Variants in UNC13A observed in about 807,000 individuals in gnomAD.
The protein encoded by UNC13A is protein unc-13 homolog A.
In UNC13A, 61 loss-of-function variants were observed where a neutral mutation model predicts 219.7. That is an observed-to-expected ratio of 0.28 (90% CI 0.23 to 0.34). UNC13A has a LOEUF of 0.34. UNC13A is among the 10% of genes least tolerant of loss of function. The pLI, the probability that UNC13A is intolerant of heterozygous loss-of-function variation, is 1.00. For missense variants in UNC13A, 1,476 were observed against 2,270.3 expected (o/e 0.65, Z 7.11); for synonymous variants, 920 against 884.6 (o/e 1.04, Z -0.71).
rs2076519034 is a variant in UNC13A, at chr19:17,605,871, G to A, written c.*183C>T. ...TTGGGCGTGGCCTCCCGAGAGGGCG[G>A]GGCATCCTCCATTCCTAATTCCCCA... On this transcript the variant is annotated 3_prime_UTR_variant, in exon 44 of 44. Coordinates refer to ENST00000519716, the MANE Select transcript of UNC13A (RefSeq NM_001080421.3). 3.4e-6 allele frequency: 2 copies of A among 587,948 alleles called. No individual in the cohort carries two copies. The highest frequency in any genetic ancestry group is 2.6e-6 in the Non-Finnish European group (1 of 380,254). The allele number at this position is 587,948 out of a possible 1,614,324, so 36.4% of individuals were successfully genotyped here.
At position 17,601,419 on chromosome 19, in the gene UNC13A, C is replaced by T. The variant is rs983130851; in HGVS notation, c.*4635G>A. The T allele has an allele frequency of 3.9e-5, 6 of 152,524 alleles. No individual in the cohort carries two copies. Among genetic ancestry groups the T allele is most frequent in the Admixed American group, 3.9e-4 (6 of 15,270 alleles). The allele number at this position is 152,524 out of a possible 1,614,324, so 9.4% of individuals were successfully genotyped here. ...AAAAAGTCAGAATAGTGCAAAACAT[C>T]TCAACACCATGCATTCATGACCACT... On this transcript the variant is annotated 3_prime_UTR_variant, in exon 44 of 44. Coordinates refer to ENST00000519716, the MANE Select transcript of UNC13A (RefSeq NM_001080421.3).
In UNC13A at chr19:17,645,721, A is replaced by G; in HGVS notation, c.2309T>C (p.Ile770Thr). Reference sequence around the variant, plus strand: ...CTCGCCGCTGAGCGTCCGCACCTCAATGATCGTCTGCCCCAGGAAATCGTC... The same window carrying G: ...CTCGCCGCTGAGCGTCCGCACCTCAGTGATCGTCTGCCCCAGGAAATCGTC... ...ESDDFLGQTI[I>T]EVRTLSGEMD... The change falls in exon 19 of 44, where the codon ATT becomes ACT. Residue 770 changes from isoleucine (I) to threonine (T), a missense_variant. By Grantham distance (89) the Ile-to-Thr change is moderately conservative. Around this residue, in one of 14 missense-constraint regions of UNC13A, gnomAD observed 66 missense variants for 224.3 expected, o/e 0.29. Transcript: ENST00000519716. 5 of 1,614,208 alleles carry G rather than the reference A, an allele frequency of 3.1e-6. No homozygotes were observed. The highest frequency in any genetic ancestry group is 4.2e-6 in the Non-Finnish European group (5 of 1,180,030).
chr19:17,647,454 G>T lies in UNC13A; in HGVS notation c.1855C>A (p.Arg619=). Residue 619 remains arginine (R), a synonymous_variant, in exon 17 of 44, where the codon CGG becomes AGG. Transcript: ENST00000519716. ...EKSSKHGAED[R]TQNIIMVLKD... ...AGCACCATGATGATGTTCTGTGTCC[G>T]GTCCTCCGCCCCGTGCTTGGAGCTC... 1 of 1,613,398 alleles carries T rather than the reference G, an allele frequency of 6.2e-7. No individual in the cohort carries two copies. Among genetic ancestry groups the T allele is most frequent in the East Asian group, 2.2e-5 (1 of 44,868 alleles).
intron 8 of UNC13A, among the ~76,000 whole-genome samples, chr19:17,662,484 T>A (rs1158367774): frequency 6.6e-6 from 1 of 151,938 alleles, no homozygotes; most frequent in Non-Finnish European, 1.5e-5. Flanking sequence ...ATAATAATAA[T>A]AAAAATAAAG....
In UNC13A at chr19:17,606,054, C is replaced by T. The variant is rs768424710; in HGVS notation, c.5112G>A (p.Ter1704=). The change falls in exon 44 of 44, where the codon TAG becomes TAA. Residue 1704 remains the stop codon, a stop_retained_variant. Coordinates refer to ENST00000519716, the MANE Select transcript of UNC13A (RefSeq NM_001080421.3). ...AEEGGAAPAP[*] ...AGTGCCGCTCGGCCGACCGCCCGCGCTAAGGCGCAGGCGCGGCACCGCCCT... is the reference window on the plus strand; with the variant it reads ...AGTGCCGCTCGGCCGACCGCCCGCGTTAAGGCGCAGGCGCGGCACCGCCCT... 32 of 1,544,212 alleles carry T rather than the reference C, an allele frequency of 2.1e-5. No individual in the cohort carries two copies. The highest frequency in any genetic ancestry group is 3.8e-4 in the Middle Eastern group (2 of 5,234).
chr19:17,657,479 A>G (rs1018847835), intron 9 of UNC13A, among the ~76,000 whole-genome samples: 6 of 152,146 alleles, frequency 3.9e-5, no homozygotes, highest in African/African-American at 1.2e-4. Context: ...GTCAACAGCA[A>G]TATCTGTCTC....
chr19:17,618,547 C>G, intron 39 of UNC13A, 46 bp from the exon 40 acceptor site: 1 of 1,545,528 alleles, frequency 6.5e-7, no homozygotes, highest in Non-Finnish European at 8.8e-7. Flanking sequence ...TGGGCTCCAC[C>G]TTTGGAATCT....
intron 7 of UNC13A, 64 bp from the exon 8 acceptor site, chr19:17,663,631 G>T (rs369986741): frequency 2.0e-6 from 3 of 1,530,448 alleles, no homozygotes; most frequent in African/African-American, 2.7e-5. Flanking sequence ...TAGGAAGGGG[G>T]CTCCCCTGCT....
Position 17,647,343 on chromosome 19 carries a change from G to A in UNC13A, c.1966C>T (p.His656Tyr). Reference protein sequence around the residue: ...QEIFAVTKTAHTQQMKAVKQS... With the variant: ...QEIFAVTKTAYTQQMKAVKQS... ...TTGACCGCCTTCATCTGCTGCGTGT[G>A]CGCCGTCTTGGTCACCGCGAAGATC... Residue 656 changes from histidine (H) to tyrosine (Y), a missense_variant, in exon 17 of 44, where the codon CAC becomes TAC. By Grantham distance (83) the His-to-Tyr change is moderately conservative. Coordinates refer to ENST00000519716, the MANE Select transcript of UNC13A (RefSeq NM_001080421.3). 1.2e-6 allele frequency: 2 copies of A among 1,612,988 alleles called. 1 individual carries two copies. The highest frequency in any genetic ancestry group is 2.2e-5 in the South Asian group (2 of 90,956).
chr19:17,662,770 A>G (rs1422823397), intron 8 of UNC13A, among the ~76,000 whole-genome samples: 1 of 152,032 alleles, frequency 6.6e-6, no homozygotes, highest in Non-Finnish European at 1.5e-5. Flanking sequence ...AATACAAAAA[A>G]TTAGCCGGGC....
At chr19:17,678,387 G>A (rs1568274698) in intron 1 of UNC13A, among the ~76,000 whole-genome samples, 2 of 152,146 alleles carry the variant, frequency 1.3e-5, no homozygotes, top group African/African-American at 4.8e-5. Context: ...GCTGAGGCAG[G>A]AGAATCCCTT....
At chr19:17,625,985 C>T (rs1220983152) in intron 34 of UNC13A, among the ~76,000 whole-genome samples, 2 of 151,718 alleles carry the variant, frequency 1.3e-5, no homozygotes, top group African/African-American at 4.8e-5. Context: ...ATCAATCCAT[C>T]TATACATCAA....
At chr19:17,617,363 T>C (rs759888254) in intron 41 of UNC13A, among the ~76,000 whole-genome samples, 1 of 152,124 alleles carries the variant, frequency 6.6e-6, no homozygotes, top group Non-Finnish European at 1.5e-5. Flanking sequence ...ACAATCACCT[T>C]GTGGCCCTAC....
chr19:17,642,827 C>T lies in UNC13A; in HGVS notation c.2472+18G>A. 1 of 1,587,914 alleles carries T rather than the reference C, an allele frequency of 6.3e-7. No homozygotes were observed. Among genetic ancestry groups the T allele is most frequent in the Non-Finnish European group, 8.6e-7 (1 of 1,165,162 alleles). ...GTGAGTGGAAGTGGCATGGGAGGGG[C>T]CGAGCAATGACCCTCACCTCATGCA... is the stretch of plus-strand genomic sequence containing the variant. On this transcript the variant is annotated intron_variant, in intron 20 of 43. Coordinates refer to ENST00000519716, the MANE Select transcript of UNC13A (RefSeq NM_001080421.3).
chr19:17,645,937 C>T (rs774889680), intron 18 of UNC13A, 33 bp downstream of exon 18: 3 of 1,606,788 alleles, frequency 1.9e-6, no homozygotes, highest in African/African-American at 2.7e-5. Context: ...CAGGATGCCC[C>T]ACATGGGGCC....
intron 4 of UNC13A, among the ~76,000 whole-genome samples, chr19:17,670,922 A>ATAAAATAAAATAAAATAAAAT (rs1568270572): frequency 4.5e-5 from 4 of 89,042 alleles, no homozygotes; most frequent in African/African-American, 1.6e-4. Flanking sequence ...ATAAAATAAA[A>ATAAAATAAAATAAAATAAAAT]TAAAATAAAA....
intron 5 of UNC13A, among the ~76,000 whole-genome samples, chr19:17,668,814 G>A (rs1479384960): frequency 5.3e-5 from 8 of 151,806 alleles, no homozygotes; most frequent in African/African-American, 1.9e-4. Context: ...TATTTTTTTA[G>A]AGACAGGGTC....
intron 1 of UNC13A, among the ~76,000 whole-genome samples, chr19:17,681,895 C>T (rs117818454): frequency 0.014 from 2,157 of 152,156 alleles, 20 homozygotes; most frequent in Non-Finnish European, 0.022. Flanking sequence ...ATGTCCTGCA[C>T]TCAGAACCGC....
intron 37 of UNC13A, among the ~76,000 whole-genome samples, chr19:17,621,487 A>C (rs2076729178): frequency 1.3e-5 from 2 of 152,136 alleles, no homozygotes; most frequent in African/African-American, 4.8e-5. Flanking sequence ...GTAAAAAACA[A>C]CACGTCTCAG....
Sources: allele counts gnomAD v4.1 joint callset (sites outside exome capture counted in the v4.1 genomes callset), GRCh38; gene constraint gnomAD v4.1.1; regional missense constraint gnomAD v4.1.1; transcripts MANE v1.5; gene names NCBI Gene and HGNC (gene_info 2026-07-23, HGNC 2026-07-21).